Variants in GNB4 observed in about 807,000 individuals in gnomAD.
The protein encoded by GNB4 is guanine nucleotide-binding protein subunit beta-4.
In GNB4, 28 loss-of-function variants were observed where a neutral mutation model predicts 45.2. That is an observed-to-expected ratio of 0.62 (90% confidence interval 0.46 to 0.85). The LOEUF is 0.85. Ranked by LOEUF, GNB4 falls within the 40% of genes least tolerant of loss-of-function variation. The probability of loss-of-function intolerance (pLI) is 0.00; values close to 1 mark genes in which losing one functional copy is unlikely to be tolerated. For synonymous variants in GNB4, 132 were observed against 143.7 expected (o/e 0.92, Z 0.58); for missense variants, 321 against 425.4 (o/e 0.75, Z 2.16).
chr3:179,499,369 C>T, the GNB4 span, among the ~76,000 whole-genome samples: 19 of 152,148 alleles, frequency 1.2e-4, no homozygotes, highest in South Asian at 2.1e-4. Flanking sequence ...CCGTGTTAGC[C>T]GGGATGGTCT....
intron 1 of GNB4, among the ~76,000 whole-genome samples, chr3:179,441,339 T>C (rs1209156938): frequency 6.6e-6 from 1 of 152,260 alleles, no homozygotes; most frequent in South Asian, 2.1e-4. Context: ...CTATTGCTCC[T>C]GGGCTACTAA....
chr3:179,434,095 C>T (rs1237036850), intron 1 of GNB4, among the ~76,000 whole-genome samples: 3 of 152,220 alleles, frequency 2.0e-5, no homozygotes, highest in African/African-American at 7.2e-5. Context: ...ATCTTTCAAC[C>T]TGACAATTCA....
At chr3:179,422,819 G>A (rs946243520) in intron 2 of GNB4, among the ~76,000 whole-genome samples, 1 of 152,062 alleles carries the variant, frequency 6.6e-6, no homozygotes, top group Non-Finnish European at 1.5e-5. Context: ...TTGAGACAGA[G>A]TCTTGCTCTG....
chr3:179,445,006 A>G (rs560983350), intron 1 of GNB4, among the ~76,000 whole-genome samples: 2 of 152,162 alleles, frequency 1.3e-5, no homozygotes, highest in African/African-American at 4.8e-5. Context: ...AAAAAAAATG[A>G]GTCAAGCCAT....
chr3:179,523,986 G>A, the GNB4 span, among the ~76,000 whole-genome samples: 3 of 152,166 alleles, frequency 2.0e-5, no homozygotes, highest in African/African-American at 7.2e-5. Context: ...GAGTTGGGGA[G>A]TTTTAAGAGG....
chr3:179,424,070 C>G (rs976046291), intron 2 of GNB4, among the ~76,000 whole-genome samples: 1 of 152,136 alleles, frequency 6.6e-6, no homozygotes, highest in Admixed American at 6.5e-5. Context: ...ACATTAGTAA[C>G]TAAGGTTGGG....
At chr3:179,491,914 T>C in the GNB4 span, among the ~76,000 whole-genome samples, 1 of 152,096 alleles carries the variant, frequency 6.6e-6, no homozygotes, top group Admixed American at 6.6e-5. Flanking sequence ...AGATAGAGAA[T>C]TAGAAGGTTT....
At chr3:179,513,504 T>C in the GNB4 span, among the ~76,000 whole-genome samples, 1 of 152,074 alleles carries the variant, frequency 6.6e-6, no homozygotes, top group Non-Finnish European at 1.5e-5. Flanking sequence ...TTTTTTAAGT[T>C]TTCATTTTTA....
chr3:179,506,249 G>T, the GNB4 span, among the ~76,000 whole-genome samples: 2 of 151,984 alleles, frequency 1.3e-5, no homozygotes, highest in Non-Finnish European at 2.9e-5. Context: ...GAGGTGGGAG[G>T]ATCACCTGAG....
the GNB4 span, among the ~76,000 whole-genome samples, chr3:179,497,887 A>C: frequency 6.6e-6 from 1 of 152,220 alleles, no homozygotes; most frequent in East Asian, 1.9e-4. Context: ...ATCAAAAAGC[A>C]AAAAAACAAG....
At chr3:179,468,035 A>AAAAAAAAATATATATATATATATAT in the GNB4 span, among the ~76,000 whole-genome samples, 28 of 89,860 alleles carry the variant, frequency 3.1e-4, 2 homozygotes, top group African/African-American at 1.1e-3. Flanking sequence ...TGTTGATAAA[A>AAAAAAAAATATATATATATATATAT]ATATATATAT....
chr3:179,502,690 TG>T, the GNB4 span, among the ~76,000 whole-genome samples: 1 of 152,200 alleles, frequency 6.6e-6, no homozygotes, highest in Non-Finnish European at 1.5e-5. Flanking sequence ...TGGTGGTCTT[TG>T]ATATTTAAGC....
chr3:179,481,204 A>G, the GNB4 span, among the ~76,000 whole-genome samples: 8 of 152,140 alleles, frequency 5.3e-5, no homozygotes, highest in Admixed American at 3.9e-4. Flanking sequence ...CCAGAATTCC[A>G]TGAGCTCCAT....
chr3:179,499,079 A>G, the GNB4 span, among the ~76,000 whole-genome samples: 1 of 151,446 alleles, frequency 6.6e-6, no homozygotes, highest in African/African-American at 2.4e-5. Context: ...CCGTGTCCCT[A>G]CAAAGGACAT....
At chr3:179,471,755 A>G in the GNB4 span, among the ~76,000 whole-genome samples, 111,508 of 152,094 alleles carry the variant, frequency 0.73, 41,309 homozygotes, top group East Asian at 0.98. Flanking sequence ...CTCTCATATA[A>G]AAGAGCTATG....
At chr3:179,523,562 G>C in the GNB4 span, among the ~76,000 whole-genome samples, 3 of 152,208 alleles carry the variant, frequency 2.0e-5, no homozygotes, top group East Asian at 1.9e-4. Flanking sequence ...CTGGTTTTTG[G>C]ACAGGTAAAA....
intron 1 of GNB4, among the ~76,000 whole-genome samples, chr3:179,433,666 T>C (rs1264304168): frequency 1.4e-5 from 2 of 147,720 alleles, no homozygotes; most frequent in Non-Finnish European, 3.0e-5. Context: ...ACAAGGTATC[T>C]ATGATGAGAA....
At chr3:179,505,788 A>G in the GNB4 span, among the ~76,000 whole-genome samples, 3 of 152,210 alleles carry the variant, frequency 2.0e-5, no homozygotes, top group Non-Finnish European at 4.4e-5. Context: ...CTCCCTACTA[A>G]AAGAATAGCA....
At chr3:179,484,836 A>ATGTGTGTGTGTGTGTG in the GNB4 span, among the ~76,000 whole-genome samples, 8 of 146,996 alleles carry the variant, frequency 5.4e-5, no homozygotes, top group African/African-American at 1.5e-4. Context: ...AGCTATATAT[A>ATGTGTGTGTGTGTGTG]TGTGTGTGTG....
Sources: allele counts gnomAD v4.1 joint callset (sites outside exome capture counted in the v4.1 genomes callset), GRCh38; gene constraint gnomAD v4.1.1; transcripts MANE v1.5; gene names NCBI Gene and HGNC (gene_info 2026-07-23, HGNC 2026-07-21).